SLC9A9: variants seen among roughly 807,000 people sequenced by gnomAD.
The protein encoded by SLC9A9 is sodium/hydrogen exchanger 9.
A neutral mutation model predicts 77.8 loss-of-function variants in SLC9A9; 62 were observed. That is an observed-to-expected ratio of 0.80 (90% CI 0.65 to 0.98). The LOEUF is 0.98. Among genes scored for constraint, SLC9A9 ranks in the 50% least tolerant of loss-of-function variants. The pLI is 0.00. For synonymous variants in SLC9A9, 320 were observed against 283.5 expected (o/e 1.13, Z -1.29); for missense variants, 775 against 774.9 (o/e 1.00, Z 0.00).
intron 2 of SLC9A9, among the ~76,000 whole-genome samples, chr3:143,805,333 C>A (rs2008681501): frequency 6.6e-6 from 1 of 152,130 alleles, no homozygotes; most frequent in Non-Finnish European, 1.5e-5. Flanking sequence ...TCTAGGTTCC[C>A]ACACTGCCCC....
intron 4 of SLC9A9, among the ~76,000 whole-genome samples, chr3:143,721,288 T>C (rs1934492629): frequency 6.6e-6 from 1 of 152,138 alleles, no homozygotes; most frequent in South Asian, 2.1e-4. Flanking sequence ...TGACATCTCC[T>C]AACTGCAACC....
At chr3:143,779,161 C>T (rs1261074078) in intron 4 of SLC9A9, among the ~76,000 whole-genome samples, 1 of 152,124 alleles carries the variant, frequency 6.6e-6, no homozygotes, top group Non-Finnish European at 1.5e-5. Context: ...TTATTTATCA[C>T]ATCTATCATA....
At chr3:143,551,296 A>G (rs1405114532) in intron 9 of SLC9A9, among the ~76,000 whole-genome samples, 1 of 152,218 alleles carries the variant, frequency 6.6e-6, no homozygotes, top group Admixed American at 6.5e-5. Flanking sequence ...ACTCCAAGAC[A>G]ATACATTCCC....
At chr3:143,516,095 T>C (rs1020742923) in intron 9 of SLC9A9, among the ~76,000 whole-genome samples, 6 of 152,232 alleles carry the variant, frequency 3.9e-5, no homozygotes, top group Non-Finnish European at 8.8e-5. Context: ...TTCCTTCAGA[T>C]AGTTTAGTCA....
chr3:143,268,291 A>T (rs1005557064), intron 15 of SLC9A9, among the ~76,000 whole-genome samples: 2 of 152,208 alleles, frequency 1.3e-5, no homozygotes, highest in Non-Finnish European at 2.9e-5. Context: ...TCAAAACCTC[A>T]AAACACAGCA....
intron 14 of SLC9A9, among the ~76,000 whole-genome samples, chr3:143,342,690 A>G (rs189694138): frequency 1.3e-5 from 2 of 152,282 alleles, no homozygotes; most frequent in East Asian, 3.9e-4. Flanking sequence ...GACACAAACC[A>G]CTGTGGGCAC....
At chr3:143,652,012 T>C (rs1177719326) in intron 6 of SLC9A9, among the ~76,000 whole-genome samples, 1 of 152,088 alleles carries the variant, frequency 6.6e-6, no homozygotes, top group Non-Finnish European at 1.5e-5. Flanking sequence ...GCTAAATATA[T>C]GCACTGAGAA....
chr3:143,698,233 C>T (rs2108786491), intron 4 of SLC9A9: 1 of 153,840 alleles, frequency 6.5e-6, no homozygotes, highest in Non-Finnish European at 1.5e-5. Context: ...CCTGTGGACA[C>T]TCTGAGGTTA....
intron 12 of SLC9A9, among the ~76,000 whole-genome samples, chr3:143,417,317 C>G (rs1328204259): frequency 6.6e-6 from 1 of 152,040 alleles, no homozygotes; most frequent in African/African-American, 2.4e-5. Context: ...GCCTTCCCCC[C>G]AAAGTTTACA....
At chr3:143,590,956 G>T (rs529309929) in intron 6 of SLC9A9, among the ~76,000 whole-genome samples, 1 of 152,310 alleles carries the variant, frequency 6.6e-6, no homozygotes, top group African/African-American at 2.4e-5. Flanking sequence ...TGTGATGAGT[G>T]GCTGAATAAA....
intron 4 of SLC9A9, among the ~76,000 whole-genome samples, chr3:143,780,340 C>T (rs1470888613): frequency 2.0e-5 from 3 of 152,116 alleles, no homozygotes; most frequent in Admixed American, 6.6e-5. Context: ...GGGAAGAAGA[C>T]GTTGGCACAT....
intron 5 of SLC9A9, among the ~76,000 whole-genome samples, chr3:143,659,972 C>A (rs191747540): frequency 2.6e-5 from 4 of 152,206 alleles, no homozygotes; most frequent in Non-Finnish European, 4.4e-5. Flanking sequence ...GGTACACAAG[C>A]TCTCTCTTGC....
At chr3:143,337,753 G>T (rs1297762373) in intron 14 of SLC9A9, among the ~76,000 whole-genome samples, 2 of 152,232 alleles carry the variant, frequency 1.3e-5, no homozygotes, top group Admixed American at 1.3e-4. Flanking sequence ...CCTTGATGCA[G>T]GTTCTTGGGG....
intron 4 of SLC9A9, among the ~76,000 whole-genome samples, chr3:143,738,295 A>G (rs1298072487): frequency 6.6e-6 from 1 of 152,020 alleles, no homozygotes; most frequent in Admixed American, 6.6e-5. Context: ...TAGTCACAAG[A>G]TTTCCTACAG....
chr3:143,687,303 C>G (rs1327500266), intron 5 of SLC9A9, among the ~76,000 whole-genome samples: 1 of 152,086 alleles, frequency 6.6e-6, no homozygotes, highest in Admixed American at 6.6e-5. Flanking sequence ...AAATGTCAGA[C>G]CTGCAGAGCA....
intron 9 of SLC9A9, among the ~76,000 whole-genome samples, chr3:143,547,343 G>T (rs1369601226): frequency 6.6e-6 from 1 of 152,140 alleles, no homozygotes; most frequent in Non-Finnish European, 1.5e-5. Flanking sequence ...CTGAGCTCCA[G>T]AATTCTATGT....
intron 8 of SLC9A9, among the ~76,000 whole-genome samples, chr3:143,564,275 G>A (rs1196239678): frequency 1.3e-5 from 2 of 152,130 alleles, no homozygotes; most frequent in East Asian, 3.9e-4. Context: ...GAAGCCGTCA[G>A]ATACAGAAGT....
chr3:143,561,010 G>A (rs200235812), intron 8 of SLC9A9, among the ~76,000 whole-genome samples: 57 of 152,112 alleles, frequency 3.7e-4, no homozygotes, highest in African/African-American at 9.9e-4. Context: ...GCAAAACCCC[G>A]TCTCTACTAA....
chr3:143,514,856 T>C (rs538033423), intron 9 of SLC9A9, among the ~76,000 whole-genome samples: 1 of 152,346 alleles, frequency 6.6e-6, no homozygotes, highest in South Asian at 2.1e-4. Context: ...TTTTGCTTTT[T>C]TTTGTTATCA....
Sources: allele counts gnomAD v4.1 joint callset (sites outside exome capture counted in the v4.1 genomes callset), GRCh38; gene constraint gnomAD v4.1.1; transcripts MANE v1.5; gene names NCBI Gene and HGNC (gene_info 2026-07-23, HGNC 2026-07-21).